Variants in OXSR1 observed in about 807,000 individuals in gnomAD.
The protein encoded by OXSR1 is serine/threonine-protein kinase OSR1.
OXSR1 carries 24 observed loss-of-function variants against 79.8 expected under a neutral mutation model. The ratio of observed to expected loss-of-function variants is 0.30; its 90% CI spans 0.22 to 0.42. OXSR1 has a LOEUF of 0.42. OXSR1 is among the 10% of genes least tolerant of loss of function. The pLI is 1.00. For synonymous variants in OXSR1, 226 were observed against 209.2 expected (o/e 1.08, Z -0.69); for missense variants, 430 against 618.4 (o/e 0.70, Z 3.23).
intron 1 of OXSR1, among the ~76,000 whole-genome samples, chr3:38,175,325 A>G (rs1701656846): frequency 6.6e-6 from 1 of 152,158 alleles, no homozygotes; most frequent in Non-Finnish European, 1.5e-5. Context: ...TTTATTTTTG[A>G]GGTGGGGTCT....
intron 10 of OXSR1, among the ~76,000 whole-genome samples, chr3:38,230,873 T>TAG (rs1702790994): frequency 6.6e-6 from 1 of 152,242 alleles, no homozygotes; most frequent in South Asian, 2.1e-4. Context: ...AATGCTTTAA[T>TAG]ATCTCAGTTT....
intron 1 of OXSR1, among the ~76,000 whole-genome samples, chr3:38,166,683 C>T (rs1289802684): frequency 1.3e-5 from 2 of 149,530 alleles, no homozygotes; most frequent in Non-Finnish European, 3.0e-5. Flanking sequence ...CCCAGCTACT[C>T]GGGAGGCTGA....
At chr3:38,166,866 T>C (rs934574369) in intron 1 of OXSR1, among the ~76,000 whole-genome samples, 4 of 151,500 alleles carry the variant, frequency 2.6e-5, no homozygotes, top group Non-Finnish European at 5.9e-5. Context: ...GATGTTCTGA[T>C]AGAGAATAAC....
Position 38,236,914 on chromosome 3 carries a change from T to C in OXSR1, c.1027T>C (p.Phe343Leu). 1 of 1,612,552 alleles carries C rather than the reference T, an allele frequency of 6.2e-7. No homozygotes were observed. The change falls in exon 11 of 18, where the codon TTT (phenylalanine) becomes CTT (leucine). Residue 343 changes from phenylalanine to leucine, a missense_variant. Physicochemically the swap from Phe to Leu is conservative, Grantham distance 22 (BLOSUM62 0). This residue lies in a region of OXSR1 where 276 missense variants were observed against 354.2 expected (regional missense o/e 0.78). Transcript: ENST00000311806. ...AGGCTGGGAGTGGAGTGATGATGAA[T>C]TTGATGAAGAAAGTGAGGAAGGGAA... Reference protein sequence around the residue: ...DGGWEWSDDEFDEESEEGKAA... With the variant: ...DGGWEWSDDELDEESEEGKAA...
chr3:38,171,192 A>AT (rs983219752), intron 1 of OXSR1, among the ~76,000 whole-genome samples: 1 of 151,926 alleles, frequency 6.6e-6, no homozygotes, highest in Non-Finnish European at 1.5e-5. Context: ...GAGAAAAAAA[A>AT]TTTTTTTTCT....
At chr3:38,209,863 C>G (rs1034475610) in intron 4 of OXSR1, among the ~76,000 whole-genome samples, 19 of 152,076 alleles carry the variant, frequency 1.2e-4, no homozygotes, top group Non-Finnish European at 8.8e-5. Context: ...ACCTCGTGAT[C>G]CACCCGCCTC....
intron 4 of OXSR1, among the ~76,000 whole-genome samples, chr3:38,200,975 T>A (rs1702152198): frequency 6.6e-6 from 1 of 152,218 alleles, no homozygotes; most frequent in African/African-American, 2.4e-5. Context: ...AAGAATAGTA[T>A]CGATTTTGAC....
At chr3:38,239,559 G>A (rs1702985682) in intron 11 of OXSR1, among the ~76,000 whole-genome samples, 2 of 152,078 alleles carry the variant, frequency 1.3e-5, no homozygotes, top group South Asian at 2.1e-4. Flanking sequence ...TTTTCCAGTC[G>A]GGCTGGTGGA....
intron 3 of OXSR1, chr3:38,193,415 T>G: frequency 7.8e-7 from 1 of 1,284,420 alleles, no homozygotes; most frequent in South Asian, 1.2e-5. Flanking sequence ...TATGGGAGTA[T>G]TAGGTAATAC....
chr3:38,182,578 G>T (rs1701809315), intron 1 of OXSR1, among the ~76,000 whole-genome samples: 1 of 152,144 alleles, frequency 6.6e-6, no homozygotes, highest in Non-Finnish European at 1.5e-5. Context: ...GGGATATTTG[G>T]GAGATAAAGG....
Position 38,213,695 on chromosome 3 carries a change from C to T in OXSR1, c.435-2401C>T, listed in dbSNP as rs34387349. Among the ~76,000 whole-genome samples, 1,158 of 152,254 alleles carry T rather than the reference C, an allele frequency of 7.6e-3. 21 individuals carry two copies. The highest frequency in any genetic ancestry group is 0.027 in the African/African-American group (1,114 of 41,552). Reference sequence around the variant, plus strand: ...CTGTGCACTAACTTCTCAACTTTTACGTAAATCTGAAACTGTCCTAAAACA... The same window carrying T: ...CTGTGCACTAACTTCTCAACTTTTATGTAAATCTGAAACTGTCCTAAAACA... On this transcript the variant is annotated intron_variant, in intron 4 of 17. Transcript: ENST00000311806.
intron 1 of OXSR1, among the ~76,000 whole-genome samples, chr3:38,178,253 G>A (rs929475688): frequency 3.9e-5 from 6 of 151,968 alleles, no homozygotes; most frequent in African/African-American, 9.7e-5. Context: ...GCCCAGCCCC[G>A]TGCAGAGTTT....
At chr3:38,191,814 C>T (rs1022630263) in intron 3 of OXSR1, among the ~76,000 whole-genome samples, 3 of 152,024 alleles carry the variant, frequency 2.0e-5, no homozygotes, top group Non-Finnish European at 2.9e-5. Context: ...TTTTCACATT[C>T]GTTGTTTGAA....
chr3:38,204,969 G>A (rs1442132443), intron 4 of OXSR1, among the ~76,000 whole-genome samples: 2 of 152,170 alleles, frequency 1.3e-5, no homozygotes, highest in African/African-American at 4.8e-5. Flanking sequence ...GCAGAGGCAC[G>A]GCTTGACAGA....
chr3:38,246,958 C>A (rs1384446033), intron 13 of OXSR1, among the ~76,000 whole-genome samples: 1 of 150,298 alleles, frequency 6.7e-6, no homozygotes, highest in African/African-American at 2.5e-5. Context: ...AATTAAAGGT[C>A]TGATTTTTTT....
chr3:38,181,739 T>C (rs1701790375), intron 1 of OXSR1, among the ~76,000 whole-genome samples: 1 of 152,212 alleles, frequency 6.6e-6, no homozygotes, highest in African/African-American at 2.4e-5. Flanking sequence ...ATCTGATTTA[T>C]CTTGGTGTTG....
intron 3 of OXSR1, among the ~76,000 whole-genome samples, chr3:38,195,643 G>T (rs1010563725): frequency 1.3e-5 from 2 of 152,122 alleles, no homozygotes; most frequent in Non-Finnish European, 2.9e-5. Flanking sequence ...TACTAGTAAG[G>T]TGAGGAAATT....
intron 3 of OXSR1, among the ~76,000 whole-genome samples, chr3:38,194,587 G>T (rs572389014): frequency 5.9e-5 from 9 of 152,140 alleles, no homozygotes; most frequent in South Asian, 2.1e-4. Context: ...AGGTGAAATG[G>T]AGGCTGGAGT....
chr3:38,249,860 A>AAT, intron 14 of OXSR1, 106 bp from the exon 15 acceptor site: 1 of 731,498 alleles, frequency 1.4e-6, no homozygotes. Flanking sequence ...GATCTATGGG[A>AAT]ACAAAACAGA....
Sources: gnomAD v4.1 joint callset for allele counts (sites outside exome capture counted in the v4.1 genomes callset) on GRCh38, gnomAD v4.1.1 for gene constraint, gnomAD v4.1.1 regional missense constraint, MANE v1.5 for transcripts, NCBI Gene and HGNC (gene_info 2026-07-23, HGNC 2026-07-21) for gene names.